CD244: variants seen among roughly 807,000 people sequenced by gnomAD.
CD244 encodes the protein CD244 molecule, also known as natural killer cell receptor 2B4.
Under a neutral mutation model 45.5 loss-of-function variants are expected in CD244, and 20 were observed. That is an observed-to-expected ratio of 0.44 (90% CI 0.31 to 0.64). The LOEUF is 0.64. Among genes scored for constraint, CD244 ranks in the 30% least tolerant of loss-of-function variants. The pLI, the probability that CD244 is intolerant of heterozygous loss-of-function variation, is 0.08. For synonymous variants in CD244, 185 were observed against 160.5 expected (o/e 1.15, Z -1.15); for missense variants, 407 against 426.9 (o/e 0.95, Z 0.41).
At chr1:160,844,162 C>A (rs747117437) in intron 1 of CD244, among the ~76,000 whole-genome samples, 3 of 152,192 alleles carry the variant, frequency 2.0e-5, no homozygotes, top group Non-Finnish European at 2.9e-5. Flanking sequence ...AAAATAACAT[C>A]AACCAGAGCA....
intron 3 of CD244, among the ~76,000 whole-genome samples, chr1:160,839,926 T>G (rs533089928): frequency 6.6e-6 from 1 of 152,344 alleles, no homozygotes; most frequent in Admixed American, 6.5e-5. Flanking sequence ...GTGTCACACA[T>G]GTAGCCTGAT....
intron 4 of CD244, 147 bp downstream of exon 4, chr1:160,838,792 C>T: frequency 1.6e-6 from 1 of 630,668 alleles, no homozygotes; most frequent in Non-Finnish European, 2.8e-6. Flanking sequence ...AACCTGCTTG[C>T]CCCCCGCCAC....
intron 1 of CD244, among the ~76,000 whole-genome samples, chr1:160,843,582 A>G (rs1669621782): frequency 6.6e-6 from 1 of 152,250 alleles, no homozygotes; most frequent in South Asian, 2.1e-4. Flanking sequence ...CTTTCATTCT[A>G]CAGCATCCCC....
chr1:160,834,655 CT>C (rs1207921417), intron 6 of CD244, among the ~76,000 whole-genome samples: 1 of 152,184 alleles, frequency 6.6e-6, no homozygotes, highest in African/African-American at 2.4e-5. Flanking sequence ...CTGGCCTCTT[CT>C]CTAACTCTTT....
At chr1:160,832,807 A>C in intron 7 of CD244, 8 of 780,550 alleles carry the variant, frequency 1.0e-5, no homozygotes, top group Non-Finnish European at 1.4e-5. Flanking sequence ...CTGAACCAAA[A>C]TCAGAATTTG....
intron 1 of CD244, chr1:160,848,426 G>A (rs1057450607): frequency 1.8e-6 from 1 of 551,706 alleles, no homozygotes; most frequent in Non-Finnish European, 3.6e-6. Context: ...GAATATTGCA[G>A]ACAGCATGGA....
At position 160,841,860 on chromosome 1, in the gene CD244, C is replaced by T. The variant is rs1248660339; in HGVS notation, c.103G>A (p.Val35Met). Reference protein sequence around the residue: ...SADHVVSISGVPLQLQPNSIQ... With the variant: ...SADHVVSISGMPLQLQPNSIQ... ...CTGTTTGGTTGTAACTGAAGAGGCA[C>T]TCCCGAGATGCTAACCACATGGTCA... The change falls in exon 2 of 9, where the codon GTG (valine) becomes ATG (methionine). Residue 35 changes from valine to methionine, a missense_variant. Physicochemically the swap from Val to Met is conservative, Grantham distance 21. Coordinates refer to ENST00000368034, the MANE Select transcript of CD244 (RefSeq NM_016382.4). The T allele has an allele frequency of 6.2e-7, 1 of 1,614,184 alleles. No homozygotes were observed. Among genetic ancestry groups the T allele is most frequent in the South Asian group, 1.1e-5 (1 of 91,082 alleles).
At chr1:160,852,357 C>T (rs536968987) in intron 1 of CD244, among the ~76,000 whole-genome samples, 35 of 152,156 alleles carry the variant, frequency 2.3e-4, no homozygotes, top group African/African-American at 7.7e-4. Context: ...CGAGGCCAGC[C>T]TGGCCAACAT....
At chr1:160,858,924 A>G (rs1291137605) in intron 1 of CD244, among the ~76,000 whole-genome samples, 1 of 152,212 alleles carries the variant, frequency 6.6e-6, no homozygotes, top group African/African-American at 2.4e-5. Context: ...TTGAGGAGAC[A>G]ACGGTGAGCA....
chr1:160,838,680 AGCAACCGAACT>A (rs1557833556), intron 4 of CD244, 162 bp from the exon 5 acceptor site: 1 of 645,244 alleles, frequency 1.5e-6, no homozygotes, highest in Non-Finnish European at 2.8e-6. Flanking sequence ...GCACAGAGGC[AGCAACCGAACT>A]GCCCCTCCCA....
chr1:160,856,439 AC>A (rs1356241162), intron 1 of CD244, among the ~76,000 whole-genome samples: 1 of 152,008 alleles, frequency 6.6e-6, no homozygotes, highest in Non-Finnish European at 1.5e-5. Flanking sequence ...ACCCCATGCA[AC>A]CCTGGCTTTT....
At chr1:160,836,602 A>ATTCAGAAAG (rs1471607735) in intron 5 of CD244, among the ~76,000 whole-genome samples, 9 of 152,196 alleles carry the variant, frequency 5.9e-5, no homozygotes, top group Admixed American at 5.9e-4. Flanking sequence ...GAGCACTGAA[A>ATTCAGAAAG]TTCAGAAAGT....
intron 1 of CD244, among the ~76,000 whole-genome samples, chr1:160,855,714 C>T (rs984306784): frequency 6.6e-6 from 1 of 152,224 alleles, no homozygotes; most frequent in Non-Finnish European, 1.5e-5. Context: ...GCTGTTGCTA[C>T]TGCTCAGCAG....
At chr1:160,852,163 T>G (rs1211989558) in intron 1 of CD244, among the ~76,000 whole-genome samples, 4 of 152,094 alleles carry the variant, frequency 2.6e-5, no homozygotes, top group African/African-American at 9.7e-5. Context: ...AAAGAGAATA[T>G]CCAATAGCCA....
intron 7 of CD244, 159 bp from the exon 8 acceptor site, chr1:160,832,734 A>G (rs1047680378): frequency 5.3e-5 from 76 of 1,440,352 alleles, no homozygotes; most frequent in Non-Finnish European, 6.9e-5. Flanking sequence ...GAGCAAAACA[A>G]TGGTGTTTAT....
At chr1:160,837,884 TGC>T (rs1361872633) in intron 5 of CD244, among the ~76,000 whole-genome samples, 1 of 152,230 alleles carries the variant, frequency 6.6e-6, no homozygotes, top group Non-Finnish European at 1.5e-5. Context: ...AGTTGGCCCC[TGC>T]CTGCTGCGAA....
chr1:160,841,084 A>G, intron 3 of CD244, 126 bp downstream of exon 3: 1 of 875,400 alleles, frequency 1.1e-6, no homozygotes, highest in Non-Finnish European at 1.8e-6. Flanking sequence ...TACCCTGGGA[A>G]GGGCTACAAG....
chr1:160,849,955 T>C (rs556429424), intron 1 of CD244, among the ~76,000 whole-genome samples: 1 of 152,090 alleles, frequency 6.6e-6, no homozygotes, highest in South Asian at 2.1e-4. Context: ...GAGGCTGCAG[T>C]GAGCCAAGAT....
intron 1 of CD244, among the ~76,000 whole-genome samples, chr1:160,856,435 T>G (rs1038222463): frequency 3.3e-5 from 5 of 152,174 alleles, no homozygotes; most frequent in Non-Finnish European, 7.4e-5. Flanking sequence ...CCAAACCCCA[T>G]GCAACCCTGG....
Sources: allele counts gnomAD v4.1 joint callset (sites outside exome capture counted in the v4.1 genomes callset), GRCh38; gene constraint gnomAD v4.1.1; transcripts MANE v1.5; gene names NCBI Gene and HGNC (gene_info 2026-07-23, HGNC 2026-07-21).